The following PGGT1B variants were observed in gnomAD, a reference collection of about 807,000 sequenced individuals.
PGGT1B encodes the protein geranylgeranyl transferase type-1 subunit beta.
PGGT1B carries 30 observed loss-of-function variants against 46.1 expected under a neutral mutation model. That is an observed-to-expected ratio of 0.65 (90% CI 0.49 to 0.88). The LOEUF (loss-of-function observed/expected upper bound fraction) is 0.88. Ranked by LOEUF, PGGT1B falls within the 40% of genes least tolerant of loss-of-function variation. PGGT1B has a pLI of 0.00. For synonymous variants in PGGT1B, 170 were observed against 160.0 expected, an observed-to-expected ratio of 1.06 and a Z score of -0.47; for missense variants, 376 against 455.9, an observed-to-expected ratio of 0.82 and a Z score of 1.60.
At chr5:115,219,018 T>C (rs1414431318) in intron 7 of PGGT1B, among the ~76,000 whole-genome samples, 4 of 151,830 alleles carry the variant, frequency 2.6e-5, no homozygotes, top group Non-Finnish European at 5.9e-5. Flanking sequence ...TGTCAAGATA[T>C]CACTACTACC....
intron 5 of PGGT1B, among the ~76,000 whole-genome samples, chr5:115,236,120 T>C (rs1043167713): frequency 2.2e-4 from 34 of 152,116 alleles, no homozygotes; most frequent in Non-Finnish European, 2.1e-4. Context: ...ACTTTCAGAT[T>C]TTACTTATTT....
At position 115,210,961 on chromosome 5, in the gene PGGT1B, A is replaced by C. The variant is rs1344433438; in HGVS notation, c.*1441T>G. On this transcript the variant is annotated 3_prime_UTR_variant, in exon 9 of 9. Coordinates refer to ENST00000419445, the MANE Select transcript of PGGT1B (RefSeq NM_005023.4). ...ATAAATCAATCATTTCTCCAAGTAC[A>C]CAGTGTTTCCCTTGGGAAGGACTGT... The C allele has an allele frequency of 6.6e-6, 1 of 152,110 alleles. No individual in the cohort carries two copies. The highest frequency in any genetic ancestry group is 2.4e-5 in the African/African-American group (1 of 41,464). 9.4% of individuals were successfully genotyped at this position (152,110 alleles called of 1,614,324 possible). A position where few individuals can be genotyped will look rare whatever the true frequency, so the allele number is the denominator to read the frequency against.
chr5:115,218,235 T>C (rs1441491824), intron 7 of PGGT1B, among the ~76,000 whole-genome samples: 1 of 151,642 alleles, frequency 6.6e-6, no homozygotes, highest in African/African-American at 2.4e-5. Context: ...TTTAAAGTTA[T>C]GGTAATGTCC....
intron 2 of PGGT1B, among the ~76,000 whole-genome samples, chr5:115,249,610 T>C (rs113870675): frequency 0.013 from 2,037 of 151,994 alleles, 47 homozygotes; most frequent in African/African-American, 0.046. Context: ...GAGCAGGTAA[T>C]TGGAATGAGT....
chr5:115,260,443 G>A (rs1034101343), intron 1 of PGGT1B, among the ~76,000 whole-genome samples: 1 of 152,022 alleles, frequency 6.6e-6, no homozygotes, highest in Non-Finnish European at 1.5e-5. Context: ...GTTGTGGCTT[G>A]CCCAATGTAC....
chr5:115,226,743 T>C (rs1756796994), intron 6 of PGGT1B, among the ~76,000 whole-genome samples: 1 of 151,846 alleles, frequency 6.6e-6, no homozygotes, highest in East Asian at 1.9e-4. Flanking sequence ...CAGCTTACAA[T>C]CCAGCAAAGA....
chr5:115,228,511 G>A (rs1756866943), intron 6 of PGGT1B, among the ~76,000 whole-genome samples: 1 of 152,142 alleles, frequency 6.6e-6, no homozygotes, highest in Admixed American at 6.6e-5. Flanking sequence ...TATAAATACT[G>A]CATGTGTATC....
At position 115,207,685 on chromosome 5, in the gene PGGT1B, A is replaced by G. The variant is rs1462381208; in HGVS notation, c.*4717T>C. ...AGTTCTTTTATTGTTTAGTTTTTCA[A>G]CAAGTTCCTTTGGGCTTTCTAGATA... On this transcript the variant is annotated 3_prime_UTR_variant, in exon 9 of 9. Coordinates refer to ENST00000419445, the MANE Select transcript of PGGT1B (RefSeq NM_005023.4). 6.6e-6 allele frequency: 1 copy of G among 152,020 alleles called. No homozygotes were observed. Among genetic ancestry groups the G allele is most frequent in the African/African-American group, 2.4e-5 (1 of 41,438 alleles). The allele number at this position is 152,020 out of a possible 1,614,324, so 9.4% of individuals were successfully genotyped here. A position where few individuals can be genotyped will look rare whatever the true frequency, so the allele number is the denominator to read the frequency against.
intron 7 of PGGT1B, among the ~76,000 whole-genome samples, chr5:115,221,515 C>A: frequency 6.6e-6 from 1 of 151,914 alleles, no homozygotes; most frequent in Non-Finnish European, 1.5e-5. Context: ...TAGTCAGTTC[C>A]AACTTTTTTA....
intron 2 of PGGT1B, 95 bp from the exon 3 acceptor site, chr5:115,241,701 T>A: frequency 2.4e-6 from 2 of 826,470 alleles, no homozygotes; most frequent in Non-Finnish European, 3.7e-6. Context: ...AAACAGACTA[T>A]TTTAGTCTCC....
chr5:115,262,506 C>A, intron 1 of PGGT1B: 1 of 567,370 alleles, frequency 1.8e-6, no homozygotes, highest in Non-Finnish European at 3.1e-6. Flanking sequence ...ACTGGAGATG[C>A]CACAGCCCTC....
chr5:115,244,256 G>C (rs1747701368), intron 2 of PGGT1B, among the ~76,000 whole-genome samples: 1 of 151,828 alleles, frequency 6.6e-6, no homozygotes, highest in Non-Finnish European at 1.5e-5. Flanking sequence ...ACGAGGTCAG[G>C]AGATCAAGAC....
At chr5:115,243,638 T>A (rs1001084723) in intron 2 of PGGT1B, among the ~76,000 whole-genome samples, 2 of 152,204 alleles carry the variant, frequency 1.3e-5, no homozygotes, top group Non-Finnish European at 2.9e-5. Flanking sequence ...ACTGCCTTAC[T>A]GTTTGTAAGG....
intron 1 of PGGT1B, among the ~76,000 whole-genome samples, chr5:115,253,705 T>A (rs937461551): frequency 2.0e-5 from 3 of 152,024 alleles, no homozygotes; most frequent in African/African-American, 7.2e-5. Flanking sequence ...TTCAAAGGTG[T>A]TCACAAATAA....
chr5:115,253,094 A>G, intron 2 of PGGT1B, 43 bp downstream of exon 2: 1 of 1,567,448 alleles, frequency 6.4e-7, no homozygotes, highest in Non-Finnish European at 8.7e-7. Flanking sequence ...TATGTCAGGT[A>G]CAACCAGTCA....
intron 2 of PGGT1B, among the ~76,000 whole-genome samples, chr5:115,247,046 ATAATTCATT>A (rs769811771): frequency 1.3e-4 from 20 of 152,200 alleles, no homozygotes; most frequent in South Asian, 1.2e-3. Context: ...ATAAGGAAGA[ATAATTCATT>A]TATTTGCACG....
intron 1 of PGGT1B, among the ~76,000 whole-genome samples, chr5:115,256,327 C>A (rs1422970473): frequency 6.6e-6 from 1 of 152,188 alleles, no homozygotes; most frequent in Non-Finnish European, 1.5e-5. Flanking sequence ...ATACTCTTAT[C>A]TGTATACGTT....
At chr5:115,244,466 CAAAAAAAAAA>C (rs1299602640) in intron 2 of PGGT1B, among the ~76,000 whole-genome samples, 1 of 31,188 alleles carries the variant, frequency 3.2e-5, no homozygotes, top group African/African-American at 1.2e-4. Flanking sequence ...CTCTGTCTCA[CAAAAAAAAAA>C]AAAAAAAAAA....
chr5:115,231,219 C>T (rs1318721224), intron 5 of PGGT1B, among the ~76,000 whole-genome samples, 198 bp from the exon 6 acceptor site: 1 of 151,812 alleles, frequency 6.6e-6, no homozygotes, highest in African/African-American at 2.4e-5. Context: ...TCTTATTCAC[C>T]AAGCCAAATC....
Sources: gnomAD v4.1 joint callset for allele counts (sites outside exome capture counted in the v4.1 genomes callset) on GRCh38, gnomAD v4.1.1 for gene constraint, MANE v1.5 for transcripts, NCBI Gene and HGNC (gene_info 2026-07-23, HGNC 2026-07-21) for gene names.